The following CARMIL1 variants were observed in gnomAD, a reference collection of about 807,000 sequenced individuals.
CARMIL1 encodes capping protein regulator and myosin 1 linker 1.
CARMIL1 carries 90 observed loss-of-function variants against 177.1 expected under a neutral mutation model. The ratio of observed to expected loss-of-function variants is 0.51; its 90% CI spans 0.43 to 0.61. The LOEUF is 0.61. Ranked by LOEUF, CARMIL1 falls within the 20% of genes least tolerant of loss-of-function variation. The pLI is 0.00. For synonymous variants in CARMIL1, 577 were observed against 606.2 expected, an observed-to-expected ratio of 0.95 and a Z score of 0.71; for missense variants, 1,380 against 1,667.0, an observed-to-expected ratio of 0.83 and a Z score of 3.00.
Position 25,365,646 on chromosome 6 carries a change from G to A in CARMIL1, c.139-54468G>A, listed in dbSNP as rs189295312. Reference sequence around the variant, plus strand: ...CAGCCCACTGCAACCTTCACTTCCCGGGCTCAAGTGATTCTCCTGCCTCAA... The same window carrying A: ...CAGCCCACTGCAACCTTCACTTCCCAGGCTCAAGTGATTCTCCTGCCTCAA... On this transcript the variant is annotated intron_variant, in intron 2 of 36. Coordinates refer to ENST00000329474, the MANE Select transcript of CARMIL1 (RefSeq NM_017640.6). Among the ~76,000 whole-genome samples, 5 of 152,176 alleles carry A rather than the reference G, an allele frequency of 3.3e-5. No individual in the cohort carries two copies. The East Asian group carries it at 7.7e-4, about 24-fold the overall frequency.
chr6:25,298,517 C>T (rs578087451), intron 2 of CARMIL1, among the ~76,000 whole-genome samples: 1 of 152,204 alleles, frequency 6.6e-6, no homozygotes, highest in Non-Finnish European at 1.5e-5. Flanking sequence ...CTGAGGACAA[C>T]GCTGTGCATT....
Position 25,279,642 on chromosome 6 carries a change from C to A in CARMIL1, c.-154C>A, listed in dbSNP as rs1581423309. 2 of 649,498 alleles carry A rather than the reference C, an allele frequency of 3.1e-6. No homozygotes were observed. Among genetic ancestry groups the A allele is most frequent in the Admixed American group, 2.6e-5 (1 of 38,690 alleles). The allele number at this position is 649,498 out of a possible 1,614,324, so 40.2% of individuals were successfully genotyped here. A position where few individuals can be genotyped will look rare whatever the true frequency, so the allele number is the denominator to read the frequency against. ...TTTTTTTTTGGTGGGGCGGGGGGCG[C>A]GCGGCAAAATTCTGTCTCCGCCCCC... is the stretch of plus-strand genomic sequence containing the variant. On this transcript the variant is annotated 5_prime_UTR_variant, in exon 1 of 37. Transcript: ENST00000329474.
intron 8 of CARMIL1, among the ~76,000 whole-genome samples, chr6:25,460,234 C>G (rs558753243): frequency 8.1e-4 from 123 of 152,326 alleles, no homozygotes; most frequent in Non-Finnish European, 9.4e-4. Flanking sequence ...TATTCATGAT[C>G]TGCTTATGTG....
intron 2 of CARMIL1, among the ~76,000 whole-genome samples, chr6:25,414,634 A>G (rs1346238064): frequency 1.3e-5 from 2 of 152,210 alleles, no homozygotes; most frequent in East Asian, 3.8e-4. Context: ...TGTTGATAAA[A>G]CAAGAGTCAC....
intron 15 of CARMIL1, among the ~76,000 whole-genome samples, chr6:25,492,938 A>C (rs1347457457): frequency 1.3e-5 from 2 of 152,208 alleles, no homozygotes; most frequent in Admixed American, 6.5e-5. Context: ...CCATAGATTA[A>C]AGTTAGAGAG....
At chr6:25,569,499 T>C (rs1811871159) in intron 29 of CARMIL1, among the ~76,000 whole-genome samples, 1 of 152,176 alleles carries the variant, frequency 6.6e-6, no homozygotes. Flanking sequence ...GGATCCTAAG[T>C]CACCAGGCCC....
chr6:25,387,678 A>C (rs77045921), intron 2 of CARMIL1, among the ~76,000 whole-genome samples: 72 of 152,350 alleles, frequency 4.7e-4, no homozygotes, highest in Non-Finnish European at 7.8e-4. Flanking sequence ...GGAAACATTA[A>C]ACACAATGAG....
intron 15 of CARMIL1, among the ~76,000 whole-genome samples, chr6:25,493,059 G>A (rs1278521076): frequency 6.6e-6 from 1 of 152,200 alleles, no homozygotes; most frequent in Non-Finnish European, 1.5e-5. Context: ...TATATTTGAA[G>A]CCAGCTTATA....
chr6:25,478,986 C>A, intron 11 of CARMIL1: 1 of 401,382 alleles, frequency 2.5e-6, no homozygotes, highest in Non-Finnish European at 4.9e-6. Context: ...TGTTTCTGAA[C>A]TCTCCAGGAA....
rs1419760505 is a variant in CARMIL1, at chr6:25,554,655, GA to G, written c.2592+565del. On this transcript the variant is annotated intron_variant, in intron 28 of 36. Coordinates refer to ENST00000329474, the MANE Select transcript of CARMIL1 (RefSeq NM_017640.6). The surrounding 1 kb of genome is among the most constrained non-coding windows in gnomAD (Gnocchi z 4.6). ...TTTTACTTCCAATATCAGTGCATATGAAAAAATGTATCAGAAACTCAATGTT... is the reference window on the plus strand; with the variant it reads ...TTTTACTTCCAATATCAGTGCATATGAAAAATGTATCAGAAACTCAATGTT... 6.6e-6 allele frequency among the ~76,000 whole-genome samples: 1 copy of G among 152,112 alleles called. No homozygotes were observed. The highest frequency in any genetic ancestry group is 1.5e-5 in the Non-Finnish European group (1 of 68,018).
chr6:25,618,258 A>G (rs7761789), intron 36 of CARMIL1, among the ~76,000 whole-genome samples: 95,195 of 151,302 alleles, frequency 0.63, 30,234 homozygotes, highest in East Asian at 0.83. Flanking sequence ...CCAGCAAGAT[A>G]AGTTTTTTTT....
intron 16 of CARMIL1, 95 bp downstream of exon 16, chr6:25,495,310 A>G (rs1803596882): frequency 2.6e-6 from 2 of 771,596 alleles, no homozygotes; most frequent in Non-Finnish European, 4.1e-6. Flanking sequence ...TAATCCAAAG[A>G]CAAAAACCAC....
intron 8 of CARMIL1, among the ~76,000 whole-genome samples, chr6:25,455,515 G>A (rs1351844130): frequency 6.6e-6 from 1 of 152,160 alleles, no homozygotes; most frequent in Non-Finnish European, 1.5e-5. Flanking sequence ...ATCTGCTCTG[G>A]TGGAGCAAAT....
At chr6:25,334,288 T>C (rs1785992918) in intron 2 of CARMIL1, among the ~76,000 whole-genome samples, 1 of 152,216 alleles carries the variant, frequency 6.6e-6, no homozygotes, top group African/African-American at 2.4e-5. Context: ...ACCTTAAAAA[T>C]ATATTCGGAT....
At chr6:25,434,781 A>G (rs1797090953) in intron 4 of CARMIL1, among the ~76,000 whole-genome samples, 1 of 151,924 alleles carries the variant, frequency 6.6e-6, no homozygotes, top group African/African-American at 2.4e-5. Flanking sequence ...CAATCTCTTG[A>G]CCTTGTGATC....
chr6:25,468,626 T>C (rs1800841070), intron 9 of CARMIL1, among the ~76,000 whole-genome samples: 1 of 152,224 alleles, frequency 6.6e-6, no homozygotes, highest in South Asian at 2.1e-4. Context: ...ACTTAGTAGC[T>C]AGGTTTGAGT....
intron 12 of CARMIL1, among the ~76,000 whole-genome samples, chr6:25,485,496 A>G (rs1802549205): frequency 6.6e-6 from 1 of 152,170 alleles, no homozygotes; most frequent in Non-Finnish European, 1.5e-5. Flanking sequence ...GCTCACTTGC[A>G]TGATCTTGGC....
intron 24 of CARMIL1, among the ~76,000 whole-genome samples, chr6:25,530,162 TTGG>T (rs1301679355): frequency 1.3e-5 from 2 of 151,844 alleles, no homozygotes; most frequent in Non-Finnish European, 2.9e-5. Flanking sequence ...TAAATATATC[TTGG>T]TGGAATCTCA....
chr6:25,601,963 T>C (rs1246746386), intron 33 of CARMIL1, among the ~76,000 whole-genome samples: 1 of 152,232 alleles, frequency 6.6e-6, no homozygotes, highest in Non-Finnish European at 1.5e-5. Flanking sequence ...ATCACATGTC[T>C]ATTTTATTTG....
Sources: allele counts gnomAD v4.1 joint callset (sites outside exome capture counted in the v4.1 genomes callset), GRCh38; gene constraint gnomAD v4.1.1; non-coding constraint Gnocchi (gnomAD v3.1); transcripts MANE v1.5; gene names NCBI Gene and HGNC (gene_info 2026-07-23, HGNC 2026-07-21).